RARB: variants seen among roughly 807,000 people sequenced by gnomAD.
RARB encodes retinoic acid receptor beta.
RARB carries 17 observed loss-of-function variants against 51.9 expected under a neutral mutation model. The observed-to-expected ratio is 0.33, with a 90% CI of 0.22 to 0.49. The LOEUF (loss-of-function observed/expected upper bound fraction) is 0.49. Among genes scored for constraint, RARB ranks in the 20% least tolerant of loss-of-function variants. The pLI, the probability that RARB is intolerant of heterozygous loss-of-function variation, is 0.99. For synonymous variants in RARB, 215 were observed against 195.4 expected, an observed-to-expected ratio of 1.10 and a Z score of -0.84; for missense variants, 369 against 550.8, an observed-to-expected ratio of 0.67 and a Z score of 3.30.
chr3:24,912,447 G>A (rs1044741688), intron 2 of RARB, among the ~76,000 whole-genome samples: 3 of 152,068 alleles, frequency 2.0e-5, no homozygotes, highest in Non-Finnish European at 4.4e-5. Flanking sequence ...TTATTATTCG[G>A]TGTCCTCAAA....
chr3:25,550,169 C>G (rs1048659193), intron 3 of RARB, among the ~76,000 whole-genome samples: 1 of 152,028 alleles, frequency 6.6e-6, no homozygotes, highest in East Asian at 1.9e-4. Context: ...AATGAGGACC[C>G]CTTTGCAGTT....
rs71087718 is a variant in RARB at position 25,482,521 on chromosome 3, A to ATTTTTTTTTTTTTT, written c.307-18638_307-18625dup. 2.9e-4 allele frequency among the ~76,000 whole-genome samples: 19 copies of ATTTTTTTTTTTTTT among 65,788 alleles called. 4 individuals are homozygous for ATTTTTTTTTTTTTT. Among genetic ancestry groups the ATTTTTTTTTTTTTT allele is most frequent in the African/African-American group, 1.2e-3 (17 of 14,282 alleles). 43.2% of individuals were successfully genotyped at this position (65,788 alleles called of 152,430 possible). The stretch of plus-strand genomic sequence containing the variant: ...TAACTTTAAATTTTCTAGCAGCCAA[A>ATTTTTTTTTTTTTT]TTTTTTTTTTTTTTTTTTTTTTTTT... On this transcript the variant is annotated intron_variant, in intron 2 of 7. Transcript: ENST00000330688.
At chr3:25,399,384 C>G (rs190290468) in intron 5 of RARB, among the ~76,000 whole-genome samples, 3 of 152,294 alleles carry the variant, frequency 2.0e-5, no homozygotes, top group Admixed American at 2.0e-4. Context: ...CCATGTGACA[C>G]AGTCTGGACC....
At chr3:25,450,287 ATAAT>A (rs946987154) in intron 1 of RARB, among the ~76,000 whole-genome samples, 9 of 152,224 alleles carry the variant, frequency 5.9e-5, no homozygotes, top group African/African-American at 1.7e-4. Context: ...ATAATAAATA[ATAAT>A]TAATAAATTT....
intron 2 of RARB, among the ~76,000 whole-genome samples, chr3:24,916,026 G>C (rs554443827): frequency 6.6e-6 from 1 of 152,244 alleles, no homozygotes; most frequent in Non-Finnish European, 1.5e-5. Context: ...GCAATCAAAA[G>C]CCTTACGGAA....
At chr3:25,371,056 A>T (rs558941002) in intron 5 of RARB, among the ~76,000 whole-genome samples, 1 of 152,256 alleles carries the variant, frequency 6.6e-6, no homozygotes, top group African/African-American at 2.4e-5. Context: ...CCCTTGGATT[A>T]TCCAAGACGA....
At chr3:24,950,924 C>T (rs1695877145) in intron 2 of RARB, among the ~76,000 whole-genome samples, 2 of 152,014 alleles carry the variant, frequency 1.3e-5, no homozygotes, top group African/African-American at 2.4e-5. Context: ...GGTGGGACAC[C>T]CTGGAATCTG....
At chr3:25,324,462 T>C (rs1043122008) in intron 5 of RARB, 1 of 157,894 alleles carries the variant, frequency 6.3e-6, no homozygotes, top group African/African-American at 2.4e-5. Flanking sequence ...GAGGACCTGG[T>C]GTTCAGCTTC....
intron 4 of RARB, among the ~76,000 whole-genome samples, chr3:25,157,961 C>G (rs1418642194): frequency 6.6e-6 from 1 of 152,214 alleles, no homozygotes; most frequent in East Asian, 1.9e-4. Flanking sequence ...TAATTTAACA[C>G]AGTTTGAATT....
chr3:25,083,869 T>A (rs1190144493), intron 3 of RARB, among the ~76,000 whole-genome samples: 2 of 152,174 alleles, frequency 1.3e-5, no homozygotes, highest in Non-Finnish European at 2.9e-5. Context: ...AGGGTTAGAG[T>A]TGCCTTACTC....
chr3:25,181,656 A>T (rs1216904811), intron 5 of RARB, among the ~76,000 whole-genome samples: 4 of 152,154 alleles, frequency 2.6e-5, no homozygotes, highest in Admixed American at 2.6e-4. Context: ...CCCCCAAATA[A>T]ATTATGATGA....
At chr3:25,327,503 C>T (rs75229044) in intron 5 of RARB, among the ~76,000 whole-genome samples, 103 of 152,232 alleles carry the variant, frequency 6.8e-4, no homozygotes, top group African/African-American at 2.2e-3. Context: ...AAATGACTAT[C>T]GACCTAGAAT....
chr3:25,221,261 A>T (rs995011693), intron 5 of RARB, among the ~76,000 whole-genome samples: 2 of 149,376 alleles, frequency 1.3e-5, no homozygotes, highest in Non-Finnish European at 2.9e-5. Context: ...AGGAAAAAAC[A>T]TTTTTGCAAG....
chr3:25,445,457 G>C (rs950575821), intron 1 of RARB, among the ~76,000 whole-genome samples: 7 of 152,094 alleles, frequency 4.6e-5, no homozygotes, highest in African/African-American at 1.7e-4. Context: ...TTGAGGTCAG[G>C]AGTTCAAGAC....
At chr3:25,356,673 T>A (rs1216973632) in intron 5 of RARB, among the ~76,000 whole-genome samples, 1 of 151,986 alleles carries the variant, frequency 6.6e-6, no homozygotes, top group Non-Finnish European at 1.5e-5. Context: ...TTGCCCCCCA[T>A]TCCCTGACAG....
chr3:25,419,903 C>T (rs879618780), intron 5 of RARB, among the ~76,000 whole-genome samples: 1 of 151,660 alleles, frequency 6.6e-6, no homozygotes, highest in Admixed American at 6.6e-5. Context: ...GTAACTTCAT[C>T]AAGTAAACAA....
chr3:25,477,167 A>G (rs10212329), intron 2 of RARB, among the ~76,000 whole-genome samples: 6,224 of 152,292 alleles, frequency 0.041, 414 homozygotes, highest in African/African-American at 0.14. Flanking sequence ...GAAAATGTCA[A>G]TAGGCATCCT....
chr3:24,923,420 T>A (rs1296045994), intron 2 of RARB, among the ~76,000 whole-genome samples: 1 of 152,056 alleles, frequency 6.6e-6, no homozygotes, highest in Non-Finnish European at 1.5e-5. Flanking sequence ...TAATTAGTGA[T>A]GTACTAAATC....
intron 5 of RARB, among the ~76,000 whole-genome samples, chr3:25,380,206 C>A (rs1706583441): frequency 6.6e-6 from 1 of 152,144 alleles, no homozygotes; most frequent in African/African-American, 2.4e-5. Flanking sequence ...AATGGAACAA[C>A]CAACTCCTAA....
Sources: allele counts gnomAD v4.1 joint callset (sites outside exome capture counted in the v4.1 genomes callset), GRCh38; gene constraint gnomAD v4.1.1; transcripts MANE v1.5; gene names NCBI Gene and HGNC (gene_info 2026-07-23, HGNC 2026-07-21).